The following GAS7 variants were observed in gnomAD, a reference collection of about 807,000 sequenced individuals.
GAS7 encodes the protein growth arrest-specific protein 7.
In GAS7, 28 loss-of-function variants were observed where a neutral mutation model predicts 71.1. The observed-to-expected ratio is 0.39, with a 90% confidence interval of 0.29 to 0.54. GAS7 has a LOEUF of 0.54. Among genes scored for constraint, GAS7 ranks in the 20% least tolerant of loss-of-function variants. The pLI is 0.62. For missense variants in GAS7, 436 were observed against 627.8 expected (o/e 0.69, Z 3.27); for synonymous variants, 258 against 245.8 (o/e 1.05, Z -0.46).
intron 1 of GAS7, among the ~76,000 whole-genome samples, chr17:10,099,592 G>C (rs925609537): frequency 3.9e-5 from 6 of 152,106 alleles, no homozygotes; most frequent in African/African-American, 1.4e-4. Flanking sequence ...GGGGAGTGGA[G>C]ACATTCCACA....
intron 1 of GAS7, among the ~76,000 whole-genome samples, chr17:10,024,745 T>C (rs960164572): frequency 2.0e-5 from 3 of 152,108 alleles, no homozygotes; most frequent in African/African-American, 7.2e-5. Flanking sequence ...AGAGCATCCT[T>C]TAAGAATCTG....
In GAS7 at chr17:9,915,719, G is replaced by A. The variant is rs1490519586; in HGVS notation, c.*1509C>T. On this transcript the variant is annotated 3_prime_UTR_variant, in exon 14 of 14. Transcript: ENST00000432992. ...TGAATTCTGCCCTCACTGCAGATGT[G>A]CAGGTCAAACCCAAAGTGGTCAATG... The A allele has an allele frequency of 8.7e-6, 2 of 230,498 alleles. No homozygotes were observed. The highest frequency in any genetic ancestry group is 4.4e-5 in the African/African-American group (2 of 45,210). The allele number at this position is 230,498 out of a possible 1,614,324, so 14.3% of individuals were successfully genotyped here. A position where few individuals can be genotyped will look rare whatever the true frequency, so the allele number is the denominator to read the frequency against.
chr17:10,195,248 G>T (rs1263403566), intron 1 of GAS7, among the ~76,000 whole-genome samples: 1 of 152,124 alleles, frequency 6.6e-6, no homozygotes, highest in Non-Finnish European at 1.5e-5. Context: ...GGGCTAGCTG[G>T]CCACTGGGTC....
chr17:9,997,145 C>T (rs548144654), intron 2 of GAS7, among the ~76,000 whole-genome samples: 8 of 148,500 alleles, frequency 5.4e-5, no homozygotes, highest in East Asian at 2.0e-4. Flanking sequence ...GCTATTTGAA[C>T]GATGGGAGAA....
At chr17:10,097,371 C>G (rs570598992) in intron 1 of GAS7, among the ~76,000 whole-genome samples, 1 of 152,318 alleles carries the variant, frequency 6.6e-6, no homozygotes, top group Non-Finnish European at 1.5e-5. Flanking sequence ...AGAGACTCCC[C>G]GGATGGGGTT....
rs536091909 is a variant in GAS7 at position 10,072,891 on chromosome 17, TA to T, written c.184-52995del. On this transcript the variant is annotated intron_variant, in intron 1 of 13. Coordinates refer to ENST00000432992, the MANE Select transcript of GAS7 (RefSeq NM_201433.2). The stretch of plus-strand genomic sequence containing the variant: ...TGCCATTTCTCTAAAAATGGGGAAC[TA>T]AAAAAAAAAGAAAACAAAAACAAAA... 9.1e-4 allele frequency among the ~76,000 whole-genome samples: 132 copies of T among 145,698 alleles called. 2 individuals carry two copies. The South Asian group carries it at 0.01, about 12-fold the overall frequency.
chr17:10,039,868 G>A (rs1185385035), intron 1 of GAS7: 4 of 405,328 alleles, frequency 9.9e-6, no homozygotes, highest in African/African-American at 2.1e-5. Flanking sequence ...GTGACAATGT[G>A]CCTTTCCCTT....
At chr17:9,946,564 A>G (rs1268898570) in intron 6 of GAS7, among the ~76,000 whole-genome samples, 1 of 152,236 alleles carries the variant, frequency 6.6e-6, no homozygotes, top group African/African-American at 2.4e-5. Context: ...AGTGACAAGC[A>G]GGTATGGAGC....
chr17:10,119,350 G>A (rs1330649402), intron 1 of GAS7, among the ~76,000 whole-genome samples: 1 of 152,202 alleles, frequency 6.6e-6, no homozygotes. Flanking sequence ...AGTAGTTACT[G>A]AGTGCTCACC....
At chr17:10,188,681 C>T (rs548313972) in intron 1 of GAS7, among the ~76,000 whole-genome samples, 1 of 152,308 alleles carries the variant, frequency 6.6e-6, no homozygotes, top group Admixed American at 6.5e-5. Flanking sequence ...CGCTTTCACT[C>T]AGGCTAGAGT....
chr17:10,104,257 T>C (rs76603354), intron 1 of GAS7, among the ~76,000 whole-genome samples: 10,684 of 152,272 alleles, frequency 0.07, 772 homozygotes, highest in East Asian at 0.41. Flanking sequence ...TCTAGAGTCG[T>C]TGGCCAGCCA....
chr17:10,112,775 A>G (rs950085829), intron 1 of GAS7, among the ~76,000 whole-genome samples: 11 of 150,812 alleles, frequency 7.3e-5, no homozygotes, highest in African/African-American at 9.7e-5. Context: ...GAAAGAAAGA[A>G]AGAGAGAAAG....
chr17:9,962,229 G>A (rs890150586), intron 4 of GAS7, among the ~76,000 whole-genome samples: 4 of 129,608 alleles, frequency 3.1e-5, no homozygotes, highest in Non-Finnish European at 4.6e-5. Flanking sequence ...TACATATCAC[G>A]TGCATTTTAT....
At chr17:9,942,233 G>A (rs2068627810) in intron 7 of GAS7, among the ~76,000 whole-genome samples, 1 of 151,592 alleles carries the variant, frequency 6.6e-6, no homozygotes, top group Admixed American at 6.6e-5. Context: ...CAGCCTGGAT[G>A]ACAGAGCGAG....
At chr17:9,942,492 G>T (rs1178737900) in intron 7 of GAS7, among the ~76,000 whole-genome samples, 1 of 149,950 alleles carries the variant, frequency 6.7e-6, no homozygotes, top group Non-Finnish European at 1.5e-5. Context: ...TTTCCATTGG[G>T]CTGAATTTAT....
chr17:9,994,782 T>C (rs1372327978), intron 2 of GAS7, among the ~76,000 whole-genome samples: 1 of 152,058 alleles, frequency 6.6e-6, no homozygotes, highest in South Asian at 2.1e-4. Flanking sequence ...CCTACTCACC[T>C]GACAAAGGGC....
intron 3 of GAS7, among the ~76,000 whole-genome samples, chr17:9,975,768 C>T (rs557071294): frequency 6.6e-6 from 1 of 152,300 alleles, no homozygotes; most frequent in African/African-American, 2.4e-5. Context: ...AATATGCTGA[C>T]ATGCGCTTGA....
chr17:9,919,969 TTGTGTGTGTGTGTGTGTGTGTGTG>T lies in GAS7; in HGVS notation c.1139-288_1139-265del, dbSNP rs34994635. On this transcript the variant is annotated intron_variant, in intron 11 of 13. Coordinates refer to ENST00000432992, the MANE Select transcript of GAS7 (RefSeq NM_201433.2). This position sits in a 1 kb window ranked among gnomAD's most constrained non-coding sequence, Gnocchi z 5.0. ...AGGATTCAGGATGGTGGTTCTCATTTTGTGTGTGTGTGTGTGTGTGTGTGTGTGTGTGTGTGTGTGTGTGTGTCT... is the reference window on the plus strand; with the variant it reads ...AGGATTCAGGATGGTGGTTCTCATTTTGTGTGTGTGTGTGTGTGTGTGTCT... Among the ~76,000 whole-genome samples the T allele has an allele frequency of 1.6e-3, 205 of 131,498 alleles. No individual in the cohort carries two copies. Among genetic ancestry groups the T allele is most frequent in the Non-Finnish European group, 2.0e-3 (128 of 62,646 alleles). 86.3% of individuals were successfully genotyped at this position (131,498 alleles called of 152,430 possible). A position where few individuals can be genotyped will look rare whatever the true frequency, so the allele number is the denominator to read the frequency against.
chr17:9,953,904 G>C (rs895436346), intron 5 of GAS7, among the ~76,000 whole-genome samples: 5 of 152,222 alleles, frequency 3.3e-5, no homozygotes, highest in Non-Finnish European at 7.3e-5. Flanking sequence ...TGGTGCAGTG[G>C]CCGGAGGCTA....
Sources: allele counts gnomAD v4.1 joint callset (sites outside exome capture counted in the v4.1 genomes callset), GRCh38; gene constraint gnomAD v4.1.1; non-coding constraint Gnocchi (gnomAD v3.1); transcripts MANE v1.5; gene names NCBI Gene and HGNC (gene_info 2026-07-23, HGNC 2026-07-21).